Variants in PTPRD observed in about 807,000 individuals in gnomAD.
PTPRD encodes the protein receptor-type tyrosine-protein phosphatase delta.
Under a neutral mutation model 214.5 loss-of-function variants are expected in PTPRD, and 34 were observed. That is an observed-to-expected ratio of 0.16 (90% CI 0.12 to 0.21). PTPRD has a LOEUF of 0.21. PTPRD is among the 10% of genes least tolerant of loss of function. PTPRD has a pLI of 1.00. For missense variants in PTPRD, 2,545 were observed against 2,398.7 expected (o/e 1.06, Z -1.27); for synonymous variants, 1,128 against 845.7 (o/e 1.33, Z -5.79).
intron 3 of PTPRD, among the ~76,000 whole-genome samples, chr9:10,206,319 C>A (rs1367877188): frequency 6.6e-6 from 1 of 152,116 alleles, no homozygotes; most frequent in African/African-American, 2.4e-5. Context: ...AGTGCCATAT[C>A]TCATACCAAA....
intron 11 of PTPRD, chr9:8,797,043 G>A (rs1003932121): frequency 4.0e-5 from 6 of 151,602 alleles, no homozygotes; most frequent in Non-Finnish European, 8.8e-5. Flanking sequence ...CAACCATTTG[G>A]GATAAACTGA....
intron 6 of PTPRD, among the ~76,000 whole-genome samples, chr9:9,740,963 T>C (rs1006262444): frequency 6.6e-6 from 1 of 152,228 alleles, no homozygotes; most frequent in East Asian, 1.9e-4. Context: ...GAAATAGATA[T>C]AACCCAACAT....
intron 44 of PTPRD, among the ~76,000 whole-genome samples, chr9:8,322,870 G>T (rs548380120): frequency 5.9e-5 from 9 of 152,256 alleles, no homozygotes; most frequent in East Asian, 1.9e-4. Flanking sequence ...CTTGTTAGGG[G>T]CTCATGCAGC....
chr9:9,596,896 A>G (rs2093394339), intron 7 of PTPRD, among the ~76,000 whole-genome samples: 1 of 152,114 alleles, frequency 6.6e-6, no homozygotes, highest in Non-Finnish European at 1.5e-5. Context: ...ACAAATCAGT[A>G]TACAAAATTT....
At chr9:9,165,659 T>C (rs1018243074) in intron 10 of PTPRD, among the ~76,000 whole-genome samples, 5 of 152,342 alleles carry the variant, frequency 3.3e-5, no homozygotes, top group Admixed American at 2.6e-4. Context: ...ACTATGACTC[T>C]GTACATATTA....
At position 9,141,167 on chromosome 9, in the gene PTPRD, C is replaced by T. The variant is rs1471444187; in HGVS notation, c.-143+42137G>A. The stretch of plus-strand genomic sequence containing the variant: ...TTCTCTCCCATCCTCCCCTCCCCTC[C>T]TCTTCTCTCTCTCTCTCTGTCTCTC... On this transcript the variant is annotated intron_variant, in intron 10 of 45. Transcript: ENST00000381196. Among the ~76,000 whole-genome samples the T allele has an allele frequency of 5.5e-5, 8 of 146,722 alleles. No individual in the cohort carries two copies. The Admixed American group carries it at 5.5e-4, about 10-fold the overall frequency.
At chr9:9,461,108 G>C (rs545331089) in intron 8 of PTPRD, among the ~76,000 whole-genome samples, 1 of 151,890 alleles carries the variant, frequency 6.6e-6, no homozygotes, top group East Asian at 1.9e-4. Flanking sequence ...TTATAAGTGG[G>C]AGCTAAACAA....
intron 3 of PTPRD, among the ~76,000 whole-genome samples, chr9:10,168,902 G>T (rs556488309): frequency 6.6e-6 from 1 of 152,244 alleles, no homozygotes; most frequent in African/African-American, 2.4e-5. Flanking sequence ...AGGGCAAACA[G>T]AATTTAATTC....
chr9:10,203,776 T>A (rs1594097472), intron 3 of PTPRD, among the ~76,000 whole-genome samples: 1 of 152,180 alleles, frequency 6.6e-6, no homozygotes, highest in African/African-American at 2.4e-5. Context: ...AACCATTCTG[T>A]ATTACAAACT....
intron 4 of PTPRD, among the ~76,000 whole-genome samples, chr9:10,025,065 A>C (rs1022407716): frequency 1.3e-5 from 2 of 151,846 alleles, no homozygotes; most frequent in African/African-American, 4.8e-5. Context: ...AGTCTTTGCT[A>C]TTGTGAATAG....
chr9:10,072,133 C>A (rs935960461), intron 3 of PTPRD, among the ~76,000 whole-genome samples: 1 of 151,576 alleles, frequency 6.6e-6, no homozygotes, highest in Non-Finnish European at 1.5e-5. Flanking sequence ...ATGAAATATA[C>A]AATAATTCTT....
chr9:9,755,691 C>A, intron 6 of PTPRD, among the ~76,000 whole-genome samples: 1 of 151,950 alleles, frequency 6.6e-6, no homozygotes, highest in Non-Finnish European at 1.5e-5. Context: ...GAAATTTAAG[C>A]AATTGTATAA....
intron 11 of PTPRD, among the ~76,000 whole-genome samples, chr9:8,884,217 T>A (rs1293836396): frequency 6.6e-6 from 1 of 152,158 alleles, no homozygotes; most frequent in Non-Finnish European, 1.5e-5. Context: ...ACTGAGACTG[T>A]CATGGCAGGT....
At chr9:10,355,804 TATACTTAA>T (rs1330481158) in intron 2 of PTPRD, among the ~76,000 whole-genome samples, 6 of 152,116 alleles carry the variant, frequency 3.9e-5, no homozygotes, top group African/African-American at 1.4e-4. Context: ...CCTTTAAATA[TATACTTAA>T]AACATAGAGT....
chr9:8,627,133 T>C (rs1183503345), intron 14 of PTPRD, among the ~76,000 whole-genome samples: 1 of 151,838 alleles, frequency 6.6e-6, no homozygotes, highest in Non-Finnish European at 1.5e-5. Flanking sequence ...TGTAGCATTT[T>C]ACACATTTTG....
At chr9:8,342,133 A>C (rs1564105978) in intron 39 of PTPRD, among the ~76,000 whole-genome samples, 155 bp from the exon 40 acceptor site, 1 of 152,088 alleles carries the variant, frequency 6.6e-6, no homozygotes, top group African/African-American at 2.4e-5. Flanking sequence ...TAAAGTCAAA[A>C]GTATTATCTA....
chr9:8,551,751 G>A (rs536732901), intron 14 of PTPRD, among the ~76,000 whole-genome samples: 1 of 152,132 alleles, frequency 6.6e-6, no homozygotes, highest in Non-Finnish European at 1.5e-5. Context: ...ACATAATGAA[G>A]AAAGTCCACA....
intron 12 of PTPRD, among the ~76,000 whole-genome samples, chr9:8,725,372 C>G (rs899064420): frequency 2.0e-4 from 31 of 152,142 alleles, no homozygotes; most frequent in Non-Finnish European, 5.9e-5. Flanking sequence ...ATTTTATCCT[C>G]AGTAGTTAAC....
In PTPRD at chr9:10,023,202, C is replaced by T. The variant is rs186473277; in HGVS notation, c.-472+10516G>A. ...TATATACATAAATGTATCACTGTTA[C>T]GACTAATCAAATTAGAATTAATCAT... On this transcript the variant is annotated intron_variant, in intron 4 of 45. Coordinates refer to ENST00000381196, the MANE Select transcript of PTPRD (RefSeq NM_002839.4). 7.1e-4 allele frequency among the ~76,000 whole-genome samples: 108 copies of T among 152,136 alleles called. 1 individual carries two copies. In the South Asian group the frequency reaches 0.014, roughly 20 times the overall value.
Sources: allele counts gnomAD v4.1 joint callset (sites outside exome capture counted in the v4.1 genomes callset), GRCh38; gene constraint gnomAD v4.1.1; transcripts MANE v1.5; gene names NCBI Gene and HGNC (gene_info 2026-07-23, HGNC 2026-07-21).